PIK3CB: variants seen among roughly 807,000 people sequenced by gnomAD.
PIK3CB encodes phosphatidylinositol 4,5-bisphosphate 3-kinase catalytic subunit beta isoform.
Under a neutral mutation model 136.8 loss-of-function variants are expected in PIK3CB, and 39 were observed. The observed-to-expected ratio is 0.29, with a 90% CI of 0.22 to 0.37. PIK3CB has a LOEUF of 0.37. Among genes scored for constraint, PIK3CB ranks in the 10% least tolerant of loss-of-function variants. The pLI is 1.00. For synonymous variants in PIK3CB, 428 were observed against 436.6 expected, an observed-to-expected ratio of 0.98 and a Z score of 0.25; for missense variants, 868 against 1,275.4, an observed-to-expected ratio of 0.68 and a Z score of 4.87.
intron 1 of PIK3CB, among the ~76,000 whole-genome samples, chr3:138,819,338 C>T (rs1933461745): frequency 6.6e-6 from 1 of 150,468 alleles, no homozygotes; most frequent in South Asian, 2.1e-4. Flanking sequence ...CAGAGTGAGA[C>T]TCCGTCTCCA....
chr3:138,690,108 CAAGA>C (rs915193729), intron 15 of PIK3CB, among the ~76,000 whole-genome samples: 1 of 149,706 alleles, frequency 6.7e-6, no homozygotes, highest in African/African-American at 2.5e-5. Flanking sequence ...TAGAACAACA[CAAGA>C]AAGTAAAAAA....
intron 4 of PIK3CB, among the ~76,000 whole-genome samples, chr3:138,745,008 T>G (rs892282373): frequency 1.4e-4 from 21 of 152,242 alleles, no homozygotes; most frequent in Non-Finnish European, 2.4e-4. Flanking sequence ...GTCAATCCTG[T>G]GAAGTCATGT....
rs2043144895 is a variant in PIK3CB, at chr3:138,653,175, A to G, written c.*2214T>C. The G allele has an allele frequency of 1.1e-5, 2 of 180,968 alleles. No homozygotes were observed. The highest frequency in any genetic ancestry group is 1.3e-4 in the Admixed American group (2 of 15,920). The allele number at this position is 180,968 out of a possible 1,614,324, so 11.2% of individuals were successfully genotyped here. On this transcript the variant is annotated 3_prime_UTR_variant, in exon 24 of 24. Coordinates refer to ENST00000674063, the MANE Select transcript of PIK3CB (RefSeq NM_006219.3). ...ATGTCAATTTGTCTCAACCTTGTCTATAGCTTAATGCAATTTGATTCAAAA... is the reference window on the plus strand; with the variant it reads ...ATGTCAATTTGTCTCAACCTTGTCTGTAGCTTAATGCAATTTGATTCAAAA...
chr3:138,666,591 C>CCTT (rs1421875862), intron 19 of PIK3CB, among the ~76,000 whole-genome samples: 9 of 152,058 alleles, frequency 5.9e-5, no homozygotes, highest in African/African-American at 2.2e-4. Flanking sequence ...ATTAATATTA[C>CCTT]CTTTTTCTCA....
At chr3:138,732,781 G>C (rs1304724505) in intron 8 of PIK3CB, among the ~76,000 whole-genome samples, 2 of 150,102 alleles carry the variant, frequency 1.3e-5, no homozygotes, top group East Asian at 3.9e-4. Context: ...AAGGCTGAGA[G>C]AGGAGAGTAA....
intron 16 of PIK3CB, among the ~76,000 whole-genome samples, chr3:138,685,420 A>AAAAAAAAAAAG (rs2043866681): frequency 1.2e-5 from 1 of 86,926 alleles, no homozygotes; most frequent in African/African-American, 3.4e-5. Context: ...AAAAAAAAAA[A>AAAAAAAAAAAG]AAAGAAAGAA....
intron 1 of PIK3CB, among the ~76,000 whole-genome samples, chr3:138,810,111 T>C (rs903308155): frequency 6.6e-6 from 1 of 152,180 alleles, no homozygotes. Flanking sequence ...AGCTAGAATA[T>C]TTTGAGCAAC....
chr3:138,693,966 TTATA>T (rs1290359773), intron 14 of PIK3CB, among the ~76,000 whole-genome samples: 22 of 42,396 alleles, frequency 5.2e-4, no homozygotes, highest in South Asian at 9.7e-4. Flanking sequence ...TATATATATA[TTATA>T]TATATATATA....
chr3:138,672,909 T>TG (rs1235440249), intron 19 of PIK3CB, among the ~76,000 whole-genome samples: 1 of 104,034 alleles, frequency 9.6e-6, no homozygotes, highest in Admixed American at 1.2e-4. Context: ...GAGACTCCGT[T>TG]GAAAAAAAAA....
At chr3:138,729,491 C>G (rs2044922776) in intron 8 of PIK3CB, among the ~76,000 whole-genome samples, 1 of 152,132 alleles carries the variant, frequency 6.6e-6, no homozygotes, top group Admixed American at 6.5e-5. Context: ...GTAGGCTAGC[C>G]TCATCCAACT....
intron 8 of PIK3CB, among the ~76,000 whole-genome samples, chr3:138,731,105 C>T (rs1336824651): frequency 6.6e-6 from 1 of 152,078 alleles, no homozygotes; most frequent in Non-Finnish European, 1.5e-5. Flanking sequence ...ATAAACACAA[C>T]CAAAACCCCT....
chr3:138,785,391 G>T (rs978222800), intron 2 of PIK3CB, among the ~76,000 whole-genome samples: 11 of 152,310 alleles, frequency 7.2e-5, no homozygotes, highest in Middle Eastern at 3.4e-3. Context: ...GGGGAAATGT[G>T]GGGAAAAGAA....
At chr3:138,705,198 A>AAAAAAAAAAAAAAT (rs1559828847) in intron 11 of PIK3CB, among the ~76,000 whole-genome samples, 1 of 144,172 alleles carries the variant, frequency 6.9e-6, no homozygotes, top group Non-Finnish European at 1.5e-5. Flanking sequence ...AACAAAAAAA[A>AAAAAAAAAAAAAAT]AAACTTATAT....
In PIK3CB at chr3:138,756,467, C is replaced by T. The variant is rs573129603; in HGVS notation, c.172-488G>A. On this transcript the variant is annotated intron_variant, in intron 3 of 23. Transcript: ENST00000674063. ...TAAAGTATGTATCACCACCTCCATA[C>T]AATATTTAAATTATTTTTGTCCTGC... Among the ~76,000 whole-genome samples, 6 of 152,214 alleles carry T rather than the reference C, an allele frequency of 3.9e-5. No individual in the cohort carries two copies. In the South Asian group the frequency reaches 1.2e-3, roughly 32 times the overall value.
At chr3:138,662,533 C>T in intron 21 of PIK3CB, among the ~76,000 whole-genome samples, 1 of 148,892 alleles carries the variant, frequency 6.7e-6, no homozygotes, top group African/African-American at 2.5e-5. Flanking sequence ...TGGGTTGGTT[C>T]CAAGTCTTTG....
At chr3:138,686,505 G>C (rs1233199695) in intron 16 of PIK3CB, among the ~76,000 whole-genome samples, 1 of 152,000 alleles carries the variant, frequency 6.6e-6, no homozygotes, top group Non-Finnish European at 1.5e-5. Context: ...TAATAACTGA[G>C]GGTCTTTTAT....
chr3:138,724,157 T>TTA (rs147207051), intron 8 of PIK3CB, among the ~76,000 whole-genome samples: 134 of 152,222 alleles, frequency 8.8e-4, no homozygotes, highest in African/African-American at 2.4e-3. Context: ...AAATCTCAGG[T>TTA]TATTATTTGT....
At chr3:138,723,949 T>C (rs2044784868) in intron 8 of PIK3CB, among the ~76,000 whole-genome samples, 1 of 152,170 alleles carries the variant, frequency 6.6e-6, no homozygotes, top group African/African-American at 2.4e-5. Context: ...TTGTAAAAAG[T>C]GAAAAACTGT....
rs149694386 is a variant in PIK3CB, at chr3:138,819,616, G to A, written c.-122+15079C>T. The stretch of plus-strand genomic sequence containing the variant: ...GACATTTTTAAACAATACTGATGCC[G>A]AGGTATCATCTCAAAGATTTTTATA... On this transcript the variant is annotated intron_variant, in intron 1 of 23. Transcript: ENST00000674063. Among the ~76,000 whole-genome samples the A allele has an allele frequency of 1.1e-3, 166 of 152,250 alleles. No individual in the cohort carries two copies. The South Asian group carries it at 0.013, about 12-fold the overall frequency.
Sources: gnomAD v4.1 joint callset for allele counts (sites outside exome capture counted in the v4.1 genomes callset) on GRCh38, gnomAD v4.1.1 for gene constraint, MANE v1.5 for transcripts, NCBI Gene and HGNC (gene_info 2026-07-23, HGNC 2026-07-21) for gene names.